FAM163A: variants seen among roughly 807,000 people sequenced by gnomAD.
FAM163A encodes family with sequence similarity 163 member A.
FAM163A carries 7 observed loss-of-function variants against 12.0 expected under a neutral mutation model. The observed-to-expected ratio is 0.58, with a 90% CI of 0.33 to 1.10. The LOEUF is 1.10. Among genes scored for constraint, FAM163A ranks in the 50% least tolerant of loss-of-function variants. The pLI is 0.03. For synonymous variants in FAM163A, 101 were observed against 91.0 expected, an observed-to-expected ratio of 1.11 and a Z score of -0.62; for missense variants, 202 against 218.6, an observed-to-expected ratio of 0.92 and a Z score of 0.48.
At chr1:179,792,899 A>C (rs1284444648) in intron 1 of FAM163A, among the ~76,000 whole-genome samples, 1 of 151,534 alleles carries the variant, frequency 6.6e-6, no homozygotes, top group African/African-American at 2.4e-5. Context: ...TATATATAAT[A>C]AAATACAGTG....
the FAM163A span, among the ~76,000 whole-genome samples, chr1:179,731,846 T>C: frequency 3.3e-5 from 5 of 152,238 alleles, no homozygotes; most frequent in African/African-American, 9.6e-5. Flanking sequence ...TACATCATTG[T>C]AGAGGGCAAA....
intron 1 of FAM163A, among the ~76,000 whole-genome samples, chr1:179,805,734 T>C (rs1017357764): frequency 6.6e-6 from 1 of 152,150 alleles, no homozygotes; most frequent in Non-Finnish European, 1.5e-5. Context: ...GGAGCTGCTG[T>C]TTTACCACTG....
At chr1:179,748,872 C>T (rs944996509) in intron 1 of FAM163A, among the ~76,000 whole-genome samples, 3 of 152,168 alleles carry the variant, frequency 2.0e-5, no homozygotes, top group Non-Finnish European at 4.4e-5. Flanking sequence ...CTTAGTAATT[C>T]GTCATTTACC....
intron 4 of FAM163A, among the ~76,000 whole-genome samples, chr1:179,813,430 G>T (rs1694974151): frequency 6.6e-6 from 1 of 152,216 alleles, no homozygotes; most frequent in African/African-American, 2.4e-5. Context: ...TCATTGGGTT[G>T]TGTCTCCTGC....
chr1:179,810,827 G>A (rs974338764), intron 2 of FAM163A, among the ~76,000 whole-genome samples: 4 of 152,138 alleles, frequency 2.6e-5, no homozygotes, highest in African/African-American at 9.7e-5. Context: ...ACCTTGGTGG[G>A]TGGTCAGGAG....
At chr1:179,756,643 G>T (rs942092513) in intron 1 of FAM163A, among the ~76,000 whole-genome samples, 1 of 152,206 alleles carries the variant, frequency 6.6e-6, no homozygotes, top group Non-Finnish European at 1.5e-5. Flanking sequence ...AAGGAAGGTT[G>T]AATCCAGAGA....
intron 1 of FAM163A, among the ~76,000 whole-genome samples, chr1:179,783,364 C>T (rs1690077334): frequency 6.6e-6 from 1 of 152,108 alleles, no homozygotes; most frequent in Admixed American, 6.6e-5. Context: ...ATGTTGATAA[C>T]ATTGTGGTAC....
intron 1 of FAM163A, among the ~76,000 whole-genome samples, chr1:179,751,849 T>C (rs1685321379): frequency 6.6e-6 from 1 of 152,190 alleles, no homozygotes; most frequent in Non-Finnish European, 1.5e-5. Flanking sequence ...GTTCATAGAT[T>C]GGAAGATTTA....
In FAM163A at chr1:179,784,323, C is replaced by T. The variant is rs1472943812; in HGVS notation, c.-135-23475C>T. ...GTGGAGGAGGTAAGAGTGTAAGATG[C>T]AAAGCCACGCTGTGTAAGTTCACAT... On this transcript the variant is annotated intron_variant, in intron 1 of 4. Coordinates refer to ENST00000341785, the MANE Select transcript of FAM163A (RefSeq NM_173509.3). Among the ~76,000 whole-genome samples the T allele has an allele frequency of 2.0e-5, 3 of 152,196 alleles. No individual in the cohort carries two copies. The East Asian group carries it at 5.8e-4, about 29-fold the overall frequency.
chr1:179,736,183 A>G, the FAM163A span, among the ~76,000 whole-genome samples: 1 of 152,224 alleles, frequency 6.6e-6, no homozygotes, highest in East Asian at 1.9e-4. Context: ...GACAAGTAGG[A>G]CTACATTAAA....
At chr1:179,811,437 C>T (rs1293230243) in intron 2 of FAM163A, among the ~76,000 whole-genome samples, 1 of 152,156 alleles carries the variant, frequency 6.6e-6, no homozygotes, top group Non-Finnish European at 1.5e-5. Context: ...AGGGGAACGT[C>T]CCATGGGCTT....
chr1:179,759,293 C>G (rs1233643734), intron 1 of FAM163A, among the ~76,000 whole-genome samples: 1 of 152,066 alleles, frequency 6.6e-6, no homozygotes, highest in Non-Finnish European at 1.5e-5. Context: ...ATCACCTCCC[C>G]ACTCCCATCA....
intron 1 of FAM163A, among the ~76,000 whole-genome samples, chr1:179,800,523 G>A (rs996951336): frequency 8.5e-5 from 13 of 152,220 alleles, no homozygotes; most frequent in African/African-American, 3.1e-4. Context: ...AGACCATGGT[G>A]GTCTGACAGA....
At chr1:179,778,902 A>T (rs1192302531) in intron 1 of FAM163A, among the ~76,000 whole-genome samples, 1 of 152,200 alleles carries the variant, frequency 6.6e-6, no homozygotes, top group Non-Finnish European at 1.5e-5. Context: ...GACCTAATAG[A>T]GGCTCCGAGC....
intron 1 of FAM163A, among the ~76,000 whole-genome samples, chr1:179,747,908 T>C (rs1684721255): frequency 7.6e-6 from 1 of 131,988 alleles, no homozygotes; most frequent in Non-Finnish European, 1.5e-5. Flanking sequence ...GGGCTGGGGC[T>C]GAGTAGACTG....
rs1429408591 is a variant in FAM163A, at chr1:179,813,080, T to G, written c.-18T>G. ...GCCCTCCGCACATCTTTGCAGAGTT[T>G]GATGGGGCGCCGGGCGGATGACAGC... On this transcript the variant is annotated 5_prime_UTR_variant, in exon 4 of 5. Transcript: ENST00000341785. 7 of 1,551,410 alleles carry G rather than the reference T, an allele frequency of 4.5e-6. No homozygotes were observed. The East Asian group carries it at 1.2e-4, about 27-fold the overall frequency.
intron 1 of FAM163A, among the ~76,000 whole-genome samples, chr1:179,770,040 G>A (rs994820247): frequency 6.6e-6 from 1 of 151,022 alleles, no homozygotes; most frequent in African/African-American, 2.4e-5. Context: ...CGAGTAGCTG[G>A]GACTACAGGC....
At chr1:179,777,391 T>C (rs905058546) in intron 1 of FAM163A, among the ~76,000 whole-genome samples, 1 of 152,166 alleles carries the variant, frequency 6.6e-6, no homozygotes, top group Non-Finnish European at 1.5e-5. Flanking sequence ...AATTCTAACA[T>C]GTAAAAACAT....
chr1:179,806,929 C>T (rs555855187), intron 1 of FAM163A, among the ~76,000 whole-genome samples: 1 of 152,278 alleles, frequency 6.6e-6, no homozygotes, highest in Admixed American at 6.5e-5. Context: ...TGTGGTGAAA[C>T]TCTATCTCTA....
Sources: gnomAD v4.1 joint callset for allele counts (sites outside exome capture counted in the v4.1 genomes callset) on GRCh38, gnomAD v4.1.1 for gene constraint, MANE v1.5 for transcripts, NCBI Gene and HGNC (gene_info 2026-07-23, HGNC 2026-07-21) for gene names.